The following SPIRE1 variants were observed in gnomAD, a reference collection of about 807,000 sequenced individuals.
SPIRE1 encodes spire type actin nucleation factor 1.
SPIRE1 carries 40 observed loss-of-function variants against 94.1 expected under a neutral mutation model. The ratio of observed to expected loss-of-function variants is 0.43; its 90% confidence interval spans 0.33 to 0.55. SPIRE1 has a LOEUF of 0.55. SPIRE1 is among the 20% of genes least tolerant of loss of function. The probability of loss-of-function intolerance (pLI) is 0.06; values close to 1 mark genes in which losing one functional copy is unlikely to be tolerated. For synonymous variants in SPIRE1, 376 were observed against 371.7 expected, an observed-to-expected ratio of 1.01 and a Z score of -0.13; for missense variants, 838 against 975.2, an observed-to-expected ratio of 0.86 and a Z score of 1.87.
intron 8 of SPIRE1, among the ~76,000 whole-genome samples, chr18:12,490,363 C>A (rs1466058837): frequency 1.3e-5 from 2 of 152,076 alleles, no homozygotes; most frequent in Non-Finnish European, 2.9e-5. Flanking sequence ...AGGTTCAGGA[C>A]CAGATGGATT....
In SPIRE1 at chr18:12,493,169, T is replaced by A. The variant is rs367609783; in HGVS notation, c.1092A>T (p.Pro364=). ...VSARKLKPTP[P]RPRSLHERIL... ...TTCTTTCATGGAGGCTCCGTGGCCG[T>A]GGTGGAGTTGGTTTCAGTTTTCTGG... Residue 364 remains proline, a synonymous_variant, in exon 8 of 17, where the codon CCA becomes CCT. Coordinates refer to ENST00000409402, the MANE Select transcript of SPIRE1 (RefSeq NM_001128626.2). 6.0e-5 allele frequency: 97 copies of A among 1,613,148 alleles called. No individual in the cohort carries two copies. The highest frequency in any genetic ancestry group is 5.0e-4 in the Admixed American group (30 of 59,828).
chr18:12,637,428 T>C (rs1227799229), intron 1 of SPIRE1, among the ~76,000 whole-genome samples: 2 of 151,890 alleles, frequency 1.3e-5, no homozygotes, highest in Non-Finnish European at 2.9e-5. Flanking sequence ...ATAAAGAGAA[T>C]TACAAAGAAA....
chr18:12,561,904 T>C (rs1174158492), intron 2 of SPIRE1, among the ~76,000 whole-genome samples: 1 of 152,216 alleles, frequency 6.6e-6, no homozygotes, highest in Non-Finnish European at 1.5e-5. Context: ...GTGCCACAAT[T>C]GCAAAAGAAC....
intron 2 of SPIRE1, among the ~76,000 whole-genome samples, chr18:12,558,130 C>G (rs1024482755): frequency 1.3e-5 from 2 of 152,096 alleles, no homozygotes; most frequent in African/African-American, 4.8e-5. Flanking sequence ...AGCCGCGGAC[C>G]CTTGCAGTGT....
intron 2 of SPIRE1, among the ~76,000 whole-genome samples, chr18:12,625,093 C>T (rs1460156940): frequency 1.3e-5 from 2 of 152,014 alleles, no homozygotes; most frequent in Non-Finnish European, 2.9e-5. Flanking sequence ...TTCAAATATG[C>T]CAAGTGACTG....
At chr18:12,566,038 A>AC (rs916469291) in intron 2 of SPIRE1, among the ~76,000 whole-genome samples, 64 of 149,084 alleles carry the variant, frequency 4.3e-4, no homozygotes, top group African/African-American at 1.1e-3. Context: ...AAACAAACAA[A>AC]AAAAAAAATT....
At chr18:12,549,439 G>GGTTTTTT (rs2035275774) in intron 2 of SPIRE1, among the ~76,000 whole-genome samples, 9 of 41,250 alleles carry the variant, frequency 2.2e-4, no homozygotes, top group Non-Finnish European at 3.1e-4. Flanking sequence ...TGTTATTGTT[G>GGTTTTTT]TTTTTTTTTT....
chr18:12,619,357 A>T (rs958069943), intron 2 of SPIRE1, among the ~76,000 whole-genome samples: 17 of 151,810 alleles, frequency 1.1e-4, no homozygotes, highest in Non-Finnish European at 1.0e-4. Flanking sequence ...AAATACAAAA[A>T]ATTAGCCAGG....
chr18:12,576,909 A>C (rs1326196063), intron 2 of SPIRE1, among the ~76,000 whole-genome samples: 9 of 150,788 alleles, frequency 6.0e-5, no homozygotes, highest in Admixed American at 4.0e-4. Context: ...AAAAAAAAAA[A>C]GGCTTACAAT....
At chr18:12,545,643 T>C (rs916501214) in intron 3 of SPIRE1, among the ~76,000 whole-genome samples, 3 of 152,172 alleles carry the variant, frequency 2.0e-5, no homozygotes, top group African/African-American at 7.2e-5. Flanking sequence ...TTCAAGTACA[T>C]AGCAAAATTT....
At chr18:12,633,590 AAAG>A (rs1314473110) in intron 2 of SPIRE1, among the ~76,000 whole-genome samples, 2 of 151,782 alleles carry the variant, frequency 1.3e-5, no homozygotes, top group Admixed American at 1.3e-4. Context: ...GAAAAAAAAA[AAAG>A]AAAGAAAATA....
intron 2 of SPIRE1, among the ~76,000 whole-genome samples, chr18:12,621,205 A>G (rs115735659): frequency 0.021 from 3,257 of 152,318 alleles, 117 homozygotes; most frequent in African/African-American, 0.07. Flanking sequence ...TAGGATGCCC[A>G]GAATCAAGAA....
At chr18:12,563,175 C>T (rs1361572833) in intron 2 of SPIRE1, among the ~76,000 whole-genome samples, 11 of 151,492 alleles carry the variant, frequency 7.3e-5, no homozygotes, top group Non-Finnish European at 1.5e-4. Flanking sequence ...ATACCCCCAA[C>T]CCCGATTATG....
intron 2 of SPIRE1, among the ~76,000 whole-genome samples, chr18:12,589,802 A>G (rs796932947): frequency 2.0e-4 from 31 of 152,292 alleles, no homozygotes; most frequent in African/African-American, 7.5e-4. Context: ...CATTTTATCT[A>G]TGTCAAAACA....
chr18:12,546,989 T>C (rs1463363998), intron 2 of SPIRE1, 85 bp from the exon 3 acceptor site: 3 of 900,806 alleles, frequency 3.3e-6, no homozygotes, highest in African/African-American at 3.4e-5. Flanking sequence ...TTTAGTATGA[T>C]TTTTTCCCTC....
At chr18:12,646,363 CTG>C (rs2038226254) in intron 1 of SPIRE1, among the ~76,000 whole-genome samples, 1 of 152,172 alleles carries the variant, frequency 6.6e-6, no homozygotes, top group Non-Finnish European at 1.5e-5. Flanking sequence ...TTGCACTGTA[CTG>C]TGTTAGTTTC....
chr18:12,495,652 G>C (rs1035601445), intron 7 of SPIRE1, among the ~76,000 whole-genome samples: 1 of 152,202 alleles, frequency 6.6e-6, no homozygotes, highest in Non-Finnish European at 1.5e-5. Context: ...ACTTCAGGAG[G>C]CTGAAGTGGG....
At chr18:12,523,954 T>A (rs1452915659) in intron 4 of SPIRE1, among the ~76,000 whole-genome samples, 1 of 152,222 alleles carries the variant, frequency 6.6e-6, no homozygotes, top group Non-Finnish European at 1.5e-5. Context: ...GTATGTATTT[T>A]TTTGATGTAA....
At chr18:12,461,409 C>T (rs1187983706) in intron 12 of SPIRE1, among the ~76,000 whole-genome samples, 1 of 111,706 alleles carries the variant, frequency 9.0e-6, no homozygotes, top group Non-Finnish European at 1.9e-5. Context: ...TACCTATACA[C>T]ATGTATGTGT....
Sources: gnomAD v4.1 joint callset for allele counts (sites outside exome capture counted in the v4.1 genomes callset) on GRCh38, gnomAD v4.1.1 for gene constraint, MANE v1.5 for transcripts, NCBI Gene and HGNC (gene_info 2026-07-23, HGNC 2026-07-21) for gene names.